Variants in PPRC1 observed in about 807,000 individuals in gnomAD.
PPRC1 encodes the protein peroxisome proliferator-activated receptor gamma coactivator-related protein 1.
A neutral mutation model predicts 132.5 loss-of-function variants in PPRC1; 23 were observed. That is an observed-to-expected ratio of 0.17 (90% CI 0.12 to 0.25). The LOEUF is 0.25. Among genes scored for constraint, PPRC1 ranks in the 10% least tolerant of loss-of-function variants. The pLI is 1.00. For synonymous variants in PPRC1, 872 were observed against 833.5 expected (o/e 1.05, Z -0.80); for missense variants, 2,006 against 2,089.1 (o/e 0.96, Z 0.78).
At chr10:102,122,462 C>CTTT in the PPRC1 span, among the ~76,000 whole-genome samples, 47 of 133,560 alleles carry the variant, frequency 3.5e-4, no homozygotes, top group South Asian at 8.7e-3. Flanking sequence ...TCTTTCTGCC[C>CTTT]TTTTTTTTTT....
rs745452155 is a variant in PPRC1 at position 102,141,186 on chromosome 10, C to T, written c.2678C>T (p.Pro893Leu). 1.2e-6 allele frequency: 2 copies of T among 1,613,930 alleles called. No homozygotes were observed. Among genetic ancestry groups the T allele is most frequent in the Admixed American group, 1.7e-5 (1 of 59,996 alleles). ...GGGCTTGGCATGCCCCCCAGTCTGC[C>T]CCCACCTCCCTTGCAGCCTCCTAGT... ...AGGLGMPPSLPPPPLQPPSLP... is the reference protein window; with the variant it reads ...AGGLGMPPSLLPPPLQPPSLP... The change falls in exon 5 of 14, where the codon CCC (proline) becomes CTC (leucine). Residue 893 changes from proline (P) to leucine (L), a missense_variant. Physicochemically the swap from Pro to Leu is moderately conservative, Grantham distance 98. Transcript: ENST00000278070.
At chr10:102,120,592 G>A in the PPRC1 span, 1 of 170,074 alleles carries the variant, frequency 5.9e-6, no homozygotes, top group East Asian at 1.9e-4. Context: ...AGCAAGCGAC[G>A]ACGTGCGTGC....
chr10:102,135,750 G>A (rs939997589), intron 1 of PPRC1, among the ~76,000 whole-genome samples: 10 of 152,300 alleles, frequency 6.6e-5, no homozygotes, highest in African/African-American at 2.4e-4. Context: ...TTTAGGGAGG[G>A]TCTCAGGCAG....
At position 102,144,954 on chromosome 10, in the gene PPRC1, G is replaced by C. The variant is rs2069154861; in HGVS notation, c.3609-66G>C. On this transcript the variant is annotated intron_variant, in intron 7 of 13. Transcript: ENST00000278070. Reference sequence around the variant, plus strand: ...CCCACCCCCTCCCATTGATTTCTGAGAAAGGCAAATGTATAAGATATTGAG... The same window carrying C: ...CCCACCCCCTCCCATTGATTTCTGACAAAGGCAAATGTATAAGATATTGAG... The C allele has an allele frequency of 3.0e-6, 4 of 1,320,792 alleles. No individual in the cohort carries two copies. The South Asian group carries it at 5.1e-5, about 17-fold the overall frequency. 81.8% of individuals were successfully genotyped at this position (1,320,792 alleles called of 1,614,324 possible). A position where few individuals can be genotyped will look rare whatever the true frequency, so the allele number is the denominator to read the frequency against.
In PPRC1 at chr10:102,146,904, C is replaced by A; in HGVS notation, c.3912C>A (p.Thr1304=). The change falls in exon 9 of 14, where the codon ACC becomes ACA. Residue 1304 remains threonine (T), a synonymous_variant. Coordinates refer to ENST00000278070, the MANE Select transcript of PPRC1 (RefSeq NM_015062.5). ...ATGACTATTGTGTCCGGAGCAGGACCCCCCCAAAAAAGATGCCTGCCCTAG... is the reference window on the plus strand; with the variant it reads ...ATGACTATTGTGTCCGGAGCAGGACACCCCCAAAAAAGATGCCTGCCCTAG... ...GDHDYCVRSR[T]PPKKMPALVI... 1 of 1,613,960 alleles carries A rather than the reference C, an allele frequency of 6.2e-7. No individual in the cohort carries two copies. The highest frequency in any genetic ancestry group is 8.5e-7 in the Non-Finnish European group (1 of 1,179,966).
chr10:102,121,772 T>A, the PPRC1 span, among the ~76,000 whole-genome samples: 1 of 152,138 alleles, frequency 6.6e-6, no homozygotes, highest in Non-Finnish European at 1.5e-5. Flanking sequence ...TGGCCCTGAC[T>A]GGGTAGGGGG....
At position 102,140,435 on chromosome 10, in the gene PPRC1, G is replaced by A. The variant is rs1225539304; in HGVS notation, c.1927G>A (p.Asp643Asn). 3 of 1,614,188 alleles carry A rather than the reference G, an allele frequency of 1.9e-6. No individual in the cohort carries two copies. The highest frequency in any genetic ancestry group is 2.5e-6 in the Non-Finnish European group (3 of 1,180,040). Residue 643 changes from aspartate (D) to asparagine (N), a missense_variant, in exon 5 of 14, where the codon GAC becomes AAC. Around this residue, in one of 2 missense-constraint regions of PPRC1, gnomAD observed 1,914 missense variants for 1,917.2 expected, o/e 1.00. Transcript: ENST00000278070. Reference sequence around the variant, plus strand: ...AGTCCTGGCTGACTCAGCAGCAGTTGACCCTGCAGTGGTTCCCATCTCAGA... The same window carrying A: ...AGTCCTGGCTGACTCAGCAGCAGTTAACCCTGCAGTGGTTCCCATCTCAGA... Reference protein sequence around the residue: ...NPVLADSAAVDPAVVPISDNL... With the variant: ...NPVLADSAAVNPAVVPISDNL...
At chr10:102,122,504 G>T in the PPRC1 span, among the ~76,000 whole-genome samples, 5 of 149,460 alleles carry the variant, frequency 3.3e-5, no homozygotes, top group African/African-American at 1.2e-4. Flanking sequence ...TTCCAAGAGA[G>T]GAGGGGGCTG....
At chr10:102,136,131 G>A (rs1034086418) in intron 1 of PPRC1, among the ~76,000 whole-genome samples, 3 of 152,186 alleles carry the variant, frequency 2.0e-5, no homozygotes, top group Non-Finnish European at 4.4e-5. Context: ...TGTTTGCAGA[G>A]CCAGGTGCTA....
chr10:102,144,554 C>T (rs2069135073), intron 7 of PPRC1: 4 of 553,684 alleles, frequency 7.2e-6, no homozygotes, highest in African/African-American at 3.8e-5. Context: ...CTAGAGGTGC[C>T]TTTTATCTCC....
At position 102,148,687 on chromosome 10, in the gene PPRC1, G is replaced by A. The variant is rs1235363816; in HGVS notation, c.4610G>A (p.Arg1537His). 3.7e-6 allele frequency: 6 copies of A among 1,614,062 alleles called. No individual in the cohort carries two copies. Among genetic ancestry groups the A allele is most frequent in the Non-Finnish European group, 5.1e-6 (6 of 1,180,028 alleles). ...YQRQRVLQKE[R>H]AIEERRVVFI... The stretch of plus-strand genomic sequence containing the variant: ...AGGCAAAGAGTGCTACAAAAGGAGC[G>A]TGCAATAGTGAGTAGAGGAACAGAT... Residue 1537 changes from arginine (R) to histidine (H), a missense_variant, in exon 11 of 14, where the codon CGT becomes CAT. Physicochemically the swap from Arg to His is conservative, Grantham distance 29. Around this residue, in one of 2 missense-constraint regions of PPRC1, gnomAD observed 92 missense variants for 171.9 expected, o/e 0.54. Coordinates refer to ENST00000278070, the MANE Select transcript of PPRC1 (RefSeq NM_015062.5). The surrounding 1 kb of genome is among the most constrained non-coding windows in gnomAD (Gnocchi z 4.2).
At chr10:102,125,735 C>G in the PPRC1 span, among the ~76,000 whole-genome samples, 1 of 152,096 alleles carries the variant, frequency 6.6e-6, no homozygotes, top group African/African-American at 2.4e-5. Flanking sequence ...CCTGTTTGTC[C>G]CAACTCCTAG....
intron 8 of PPRC1, 50 bp from the exon 9 acceptor site, chr10:102,146,622 C>T (rs183285547): frequency 5.2e-4 from 801 of 1,547,866 alleles, no homozygotes; most frequent in Non-Finnish European, 6.6e-4. Flanking sequence ...TATTTGGAAG[C>T]GTAGAATCGG....
upstream of PPRC1, among the ~76,000 whole-genome samples, chr10:102,132,495 A>C (rs112965102): frequency 5.1e-4 from 77 of 152,386 alleles, no homozygotes; most frequent in African/African-American, 1.8e-3. Context: ...GCAAGAAACA[A>C]ATTTGATAGA....
At chr10:102,129,053 C>T (rs961904702), upstream of PPRC1, among the ~76,000 whole-genome samples, 1 of 151,066 alleles carries the variant, frequency 6.6e-6, no homozygotes, top group Non-Finnish European at 1.5e-5. Context: ...CCTCAGCCTC[C>T]CGCGTAGCTG....
chr10:102,137,309 G>A (rs1206874015), intron 1 of PPRC1, among the ~76,000 whole-genome samples: 8 of 152,154 alleles, frequency 5.3e-5, no homozygotes, highest in Non-Finnish European at 1.5e-5. Context: ...GTAGGGGGTG[G>A]GGTGTGATTA....
the PPRC1 span, among the ~76,000 whole-genome samples, chr10:102,126,959 G>C: frequency 8.1e-6 from 1 of 123,382 alleles, no homozygotes; most frequent in Non-Finnish European, 1.8e-5. Flanking sequence ...CCATGGAGAA[G>C]GCACCATCCT....
chr10:102,139,122 C>T lies in PPRC1; in HGVS notation c.614C>T (p.Pro205Leu), dbSNP rs1021130777. 6 of 1,608,578 alleles carry T rather than the reference C, an allele frequency of 3.7e-6. No homozygotes were observed. In the African/African-American group the frequency reaches 4.0e-5, roughly 11 times the overall value. Reference sequence around the variant, plus strand: ...CAGGTTGAAATGTCTCTTCCAGATCCCTCTTGGGACTTCTCCCCACCCTCT... The same window carrying T: ...CAGGTTGAAATGTCTCTTCCAGATCTCTCTTGGGACTTCTCCCCACCCTCT... ...GSGVEMSLPD[P>L]SWDFSPPSFL... Residue 205 changes from proline to leucine, a missense_variant, in exon 5 of 14, where the codon CCC becomes CTC. Pro to Leu is a moderately conservative substitution (Grantham distance 98). This residue lies in a region of PPRC1 where 1,914 missense variants were observed against 1,917.2 expected (regional missense o/e 1.00). Coordinates refer to ENST00000278070, the MANE Select transcript of PPRC1 (RefSeq NM_015062.5).
intron 5 of PPRC1, 42 bp downstream of exon 5, chr10:102,142,046 TG>T: frequency 6.4e-7 from 1 of 1,554,000 alleles, no homozygotes; most frequent in South Asian, 1.2e-5. Flanking sequence ...CCAAGTTGGC[TG>T]GGGGACTCTA....
Sources: allele counts gnomAD v4.1 joint callset (sites outside exome capture counted in the v4.1 genomes callset), GRCh38; gene constraint gnomAD v4.1.1; regional missense constraint gnomAD v4.1.1; non-coding constraint Gnocchi (gnomAD v3.1); transcripts MANE v1.5; gene names NCBI Gene and HGNC (gene_info 2026-07-23, HGNC 2026-07-21).